Variants in HSF5 observed in about 807,000 individuals in gnomAD.
The protein encoded by HSF5 is heat shock transcription factor 5, also known as heat shock factor protein 5.
Under a neutral mutation model 50.8 loss-of-function variants are expected in HSF5, and 5 were observed. The observed-to-expected ratio is 0.10, with a 90% confidence interval of 0.05 to 0.21. The LOEUF (loss-of-function observed/expected upper bound fraction) is 0.21, where lower values mean the gene tolerates loss of function less well. Ranked by LOEUF, HSF5 falls within the 10% of genes least tolerant of loss-of-function variation. HSF5 has a pLI of 1.00. For missense variants in HSF5, 564 were observed against 762.6 expected (o/e 0.74, Z 3.07); for synonymous variants, 307 against 307.4 (o/e 1.00, Z 0.02).
chr17:58,482,738 G>GAAAAAAAAAAAAAAAAAAAAAAA (rs1975115696), intron 1 of HSF5, among the ~76,000 whole-genome samples: 1 of 99,554 alleles, frequency 1.0e-5, no homozygotes, highest in Non-Finnish European at 2.1e-5. Flanking sequence ...AAAAAAAAAG[G>GAAAAAAAAAAAAAAAAAAAAAAA]AAAGAAAGAA....
intron 5 of HSF5, among the ~76,000 whole-genome samples, chr17:58,429,555 TA>T (rs1386168045): frequency 6.6e-6 from 1 of 151,598 alleles, no homozygotes; most frequent in African/African-American, 2.4e-5. Context: ...ACTAAAAAAC[TA>T]AATGTTTGGC....
chr17:58,434,308 T>C (rs1974399001), intron 5 of HSF5, among the ~76,000 whole-genome samples: 1 of 152,080 alleles, frequency 6.6e-6, no homozygotes, highest in Admixed American at 6.5e-5. Flanking sequence ...CCGGGCGTAG[T>C]GGCTCATGCC....
intron 2 of HSF5, among the ~76,000 whole-genome samples, chr17:58,472,738 T>C (rs1974964613): frequency 6.6e-6 from 1 of 152,062 alleles, no homozygotes; most frequent in Non-Finnish European, 1.5e-5. Context: ...TTAGGGCCCA[T>C]TACAGCAAGC....
chr17:58,486,903 T>G lies in HSF5; in HGVS notation c.550+822A>C, dbSNP rs1471970075. ...CTATTGTAATGTTCTAAGTTCTCTCTTTTTTTTTTTTTTTTTTTTTTTGAG... is the reference window on the plus strand; with the variant it reads ...CTATTGTAATGTTCTAAGTTCTCTCGTTTTTTTTTTTTTTTTTTTTTTGAG... On this transcript the variant is annotated intron_variant, in intron 1 of 5. Coordinates refer to ENST00000323777, the MANE Select transcript of HSF5 (RefSeq NM_001080439.3). Among the ~76,000 whole-genome samples the G allele has an allele frequency of 3.6e-3, 32 of 8,780 alleles. No individual in the cohort carries two copies. In the South Asian group the frequency reaches 0.19, roughly 52 times the overall value. 5.8% of individuals were successfully genotyped at this position (8,780 alleles called of 152,430 possible). A position where few individuals can be genotyped will look rare whatever the true frequency, so the allele number is the denominator to read the frequency against.
intron 5 of HSF5, among the ~76,000 whole-genome samples, chr17:58,425,111 C>T (rs1974277225): frequency 6.6e-6 from 1 of 151,814 alleles, no homozygotes; most frequent in African/African-American, 2.4e-5. Context: ...AAAATGGTTA[C>T]AATGAGGCCG....
At chr17:58,447,833 A>G (rs1214884574) in intron 5 of HSF5, among the ~76,000 whole-genome samples, 1 of 152,184 alleles carries the variant, frequency 6.6e-6, no homozygotes, top group Non-Finnish European at 1.5e-5. Flanking sequence ...TAATGCCCAG[A>G]TATCGACAAA....
intron 5 of HSF5, among the ~76,000 whole-genome samples, chr17:58,439,773 C>T (rs899813344): frequency 2.6e-5 from 4 of 152,136 alleles, no homozygotes; most frequent in African/African-American, 9.7e-5. Context: ...CATGAGCCAC[C>T]ATGCCCAACT....
Position 58,487,775 on chromosome 17 carries a change from A to T in HSF5, c.500T>A (p.Leu167Gln). 6.7e-7 allele frequency: 1 copy of T among 1,488,660 alleles called. No individual in the cohort carries two copies. The highest frequency in any genetic ancestry group is 8.9e-7 in the Non-Finnish European group (1 of 1,128,422). 92.2% of individuals were successfully genotyped at this position (1,488,660 alleles called of 1,614,324 possible). A position where few individuals can be genotyped will look rare whatever the true frequency, so the allele number is the denominator to read the frequency against. Reference sequence around the variant, plus strand: ...GGGCGGCGGCGGCTGCTGGTGCTGCAGTGGCGCGGTGGCGGCGGAGGCCGA... The same window carrying T: ...GGGCGGCGGCGGCTGCTGGTGCTGCTGTGGCGCGGTGGCGGCGGAGGCCGA... ...ITSASAATAP[L>Q]QHQQPPPPAG... is the part of the protein sequence containing the mutation. Residue 167 changes from leucine (L) to glutamine (Q), a missense_variant, in exon 1 of 6, where the codon CTG (leucine) becomes CAG (glutamine). By Grantham distance (113) the Leu-to-Gln change is moderately radical. This residue lies in a region of HSF5 where 441 missense variants were observed against 533.6 expected (regional missense o/e 0.83). Transcript: ENST00000323777.
chr17:58,430,624 C>T (rs1974352403), intron 5 of HSF5, among the ~76,000 whole-genome samples: 1 of 152,240 alleles, frequency 6.6e-6, no homozygotes, highest in South Asian at 2.1e-4. Context: ...CACCACAAGC[C>T]CCCTTGGCTC....
intron 5 of HSF5, among the ~76,000 whole-genome samples, chr17:58,437,191 A>C (rs1321352345): frequency 6.6e-6 from 1 of 152,178 alleles, no homozygotes; most frequent in Non-Finnish European, 1.5e-5. Context: ...ATTTAAGCAG[A>C]AACTCAAAAA....
At chr17:58,472,772 C>A (rs1974965084) in intron 2 of HSF5, among the ~76,000 whole-genome samples, 1 of 152,016 alleles carries the variant, frequency 6.6e-6, no homozygotes, top group African/African-American at 2.4e-5. Context: ...TAGGGGGATA[C>A]AGAAATGAAT....
intron 2 of HSF5, among the ~76,000 whole-genome samples, chr17:58,478,880 AAAG>A (rs1975061709): frequency 6.6e-6 from 1 of 151,558 alleles, no homozygotes; most frequent in African/African-American, 2.4e-5. Flanking sequence ...AAAAAAAAAA[AAAG>A]AGAAGAAAAG....
intron 5 of HSF5, among the ~76,000 whole-genome samples, chr17:58,426,601 A>G (rs1206839510): frequency 6.6e-6 from 1 of 152,208 alleles, no homozygotes; most frequent in Non-Finnish European, 1.5e-5. Context: ...TCCAATAGCT[A>G]TAAAATGGGA....
chr17:58,478,333 G>A (rs932088094), intron 2 of HSF5, among the ~76,000 whole-genome samples: 7 of 147,938 alleles, frequency 4.7e-5, no homozygotes, highest in Middle Eastern at 3.7e-3. Flanking sequence ...ACAATTAGCC[G>A]AGAGTTGGTG....
At chr17:58,465,539 A>G (rs1974853761) in intron 3 of HSF5, among the ~76,000 whole-genome samples, 1 of 152,060 alleles carries the variant, frequency 6.6e-6, no homozygotes, top group African/African-American at 2.4e-5. Flanking sequence ...CAGCCATGAA[A>G]AATGGCCAGC....
intron 2 of HSF5, among the ~76,000 whole-genome samples, chr17:58,473,597 C>T (rs1974975696): frequency 1.3e-5 from 2 of 152,004 alleles, no homozygotes; most frequent in African/African-American, 4.8e-5. Flanking sequence ...GCTGGATCTA[C>T]AAAATCTTGC....
chr17:58,449,440 C>T (rs1215295049), intron 5 of HSF5, among the ~76,000 whole-genome samples: 1 of 152,236 alleles, frequency 6.6e-6, no homozygotes, highest in African/African-American at 2.4e-5. Context: ...TGGCTCATGC[C>T]TGTAATCCCA....
intron 5 of HSF5, among the ~76,000 whole-genome samples, chr17:58,436,223 A>G (rs1974425844): frequency 6.6e-6 from 1 of 152,214 alleles, no homozygotes. Context: ...AAGGTCTCTT[A>G]ATGCCATGGG....
chr17:58,487,969 C>T lies in HSF5; in HGVS notation c.306G>A (p.Pro102=). 2 of 1,611,252 alleles carry T rather than the reference C, an allele frequency of 1.2e-6. No individual in the cohort carries two copies. The highest frequency in any genetic ancestry group is 1.7e-6 in the Non-Finnish European group (2 of 1,179,314). Residue 102 remains proline, a synonymous_variant, in exon 1 of 6, where the codon CCG becomes CCA. Coordinates refer to ENST00000323777, the MANE Select transcript of HSF5 (RefSeq NM_001080439.3). ...VVLGGPGGGK[P]AGNGPLHHFH... ...AGTGATGGAGCGGCCCATTGCCTGC[C>T]GGTTTGCCGCCCCCCGGCCCGCCCA...
Sources: gnomAD v4.1 joint callset for allele counts (sites outside exome capture counted in the v4.1 genomes callset) on GRCh38, gnomAD v4.1.1 for gene constraint, gnomAD v4.1.1 regional missense constraint, MANE v1.5 for transcripts, NCBI Gene and HGNC (gene_info 2026-07-23, HGNC 2026-07-21) for gene names.